RBMS3: variants seen among roughly 807,000 people sequenced by gnomAD.
The protein encoded by RBMS3 is RNA binding motif single stranded interacting protein 3.
A neutral mutation model predicts 66.8 loss-of-function variants in RBMS3; 27 were observed. That is an observed-to-expected ratio of 0.40 (90% CI 0.30 to 0.56). RBMS3 has a LOEUF of 0.56. Ranked by LOEUF, RBMS3 falls within the 20% of genes least tolerant of loss-of-function variation. The pLI is 0.40. For synonymous variants in RBMS3, 188 were observed against 183.0 expected (o/e 1.03, Z -0.22); for missense variants, 513 against 549.5 (o/e 0.93, Z 0.66).
intron 4 of RBMS3, among the ~76,000 whole-genome samples, chr3:29,654,544 G>A (rs552749431): frequency 6.0e-5 from 9 of 149,334 alleles, no homozygotes; most frequent in African/African-American, 2.2e-4. Context: ...GTGTGTGTGT[G>A]TGTGTGTGTG....
chr3:29,732,627 T>C (rs1380106449), intron 4 of RBMS3, among the ~76,000 whole-genome samples: 3 of 152,202 alleles, frequency 2.0e-5, no homozygotes, highest in East Asian at 1.9e-4. Flanking sequence ...ACATCTTTGT[T>C]CGAATTAGTG....
At chr3:29,831,725 T>G (rs2058373886) in intron 6 of RBMS3, among the ~76,000 whole-genome samples, 1 of 152,110 alleles carries the variant, frequency 6.6e-6, no homozygotes, top group Non-Finnish European at 1.5e-5. Flanking sequence ...TCTTCATAAT[T>G]TTATGTAAGG....
chr3:29,910,296 C>T (rs1034614878), intron 10 of RBMS3, among the ~76,000 whole-genome samples: 4 of 151,962 alleles, frequency 2.6e-5, no homozygotes, highest in South Asian at 4.1e-4. Flanking sequence ...AGAAACTACT[C>T]GTGGAAATCA....
intron 4 of RBMS3, among the ~76,000 whole-genome samples, chr3:29,695,394 T>C (rs909607151): frequency 6.6e-5 from 10 of 152,188 alleles, no homozygotes; most frequent in African/African-American, 1.4e-4. Context: ...ATTCCACAAA[T>C]GTAAGCTCAC....
intron 12 of RBMS3, among the ~76,000 whole-genome samples, chr3:29,968,524 G>A (rs1697006292): frequency 6.7e-6 from 1 of 148,700 alleles, no homozygotes; most frequent in African/African-American, 2.5e-5. Flanking sequence ...CCTTTCTGCT[G>A]CTTCCTCTAT....
intron 4 of RBMS3, among the ~76,000 whole-genome samples, chr3:29,676,178 G>C (rs949490799): frequency 5.3e-5 from 8 of 152,104 alleles, no homozygotes; most frequent in Non-Finnish European, 7.4e-5. Context: ...TGCAAGGACA[G>C]AAAACCAAAC....
In RBMS3 at chr3:29,816,274, C is replaced by T. The variant is rs548955864; in HGVS notation, c.638-52584C>T. ...AAGCCAAAAAGTCATGTGCATCCCC[C>T]TGTGCGCGCACACACAGACACACAC... On this transcript the variant is annotated intron_variant, in intron 6 of 14. Coordinates refer to ENST00000383767, the MANE Select transcript of RBMS3 (RefSeq NM_001003793.3). 6.6e-5 allele frequency among the ~76,000 whole-genome samples: 10 copies of T among 150,920 alleles called. No individual in the cohort carries two copies. In the South Asian group the frequency reaches 1.9e-3, roughly 29 times the overall value.
At chr3:29,528,791 T>G (rs1443257347) in intron 3 of RBMS3, among the ~76,000 whole-genome samples, 1 of 152,226 alleles carries the variant, frequency 6.6e-6, no homozygotes, top group Non-Finnish European at 1.5e-5. Context: ...TGGAGTGCAA[T>G]GGCGTGATCT....
At chr3:29,337,471 T>C (rs1241254085) in intron 1 of RBMS3, among the ~76,000 whole-genome samples, 1 of 151,834 alleles carries the variant, frequency 6.6e-6, no homozygotes, top group Non-Finnish European at 1.5e-5. Context: ...AGACCCCATC[T>C]CTACAAAAAA....
At chr3:29,944,633 A>G (rs972069130) in intron 12 of RBMS3, among the ~76,000 whole-genome samples, 5 of 151,832 alleles carry the variant, frequency 3.3e-5, no homozygotes, top group African/African-American at 9.6e-5. Flanking sequence ...TTAATAAAAA[A>G]TAGTTTGAGA....
chr3:29,994,400 C>T (rs11129375), intron 14 of RBMS3, among the ~76,000 whole-genome samples: 5 of 151,910 alleles, frequency 3.3e-5, no homozygotes, highest in Non-Finnish European at 5.9e-5. Flanking sequence ...CAAAGCATCC[C>T]GGAAGCTCCA....
intron 1 of RBMS3, among the ~76,000 whole-genome samples, chr3:29,304,652 A>ACC (rs2033895467): frequency 6.6e-6 from 1 of 151,852 alleles, no homozygotes; most frequent in South Asian, 2.1e-4. Flanking sequence ...CCACAAGAAC[A>ACC]CCCCTAGGAA....
At chr3:29,831,808 G>A (rs2058375942) in intron 6 of RBMS3, among the ~76,000 whole-genome samples, 1 of 151,958 alleles carries the variant, frequency 6.6e-6, no homozygotes, top group Non-Finnish European at 1.5e-5. Context: ...TATAGGATTT[G>A]TTAATAGTGT....
At chr3:29,800,797 C>T (rs2149442594) in intron 6 of RBMS3, among the ~76,000 whole-genome samples, 1 of 147,876 alleles carries the variant, frequency 6.8e-6, no homozygotes, top group African/African-American at 2.5e-5. Context: ...TTTATAGAAA[C>T]TAGTCTCTGA....
intron 1 of RBMS3, among the ~76,000 whole-genome samples, chr3:29,312,372 G>A (rs2034430899): frequency 6.6e-6 from 1 of 151,672 alleles, no homozygotes; most frequent in Non-Finnish European, 1.5e-5. Flanking sequence ...AACTTGAACT[G>A]CTCTCAACCT....
chr3:29,828,532 T>C (rs930050125), intron 6 of RBMS3, among the ~76,000 whole-genome samples: 3 of 152,206 alleles, frequency 2.0e-5, no homozygotes, highest in Non-Finnish European at 4.4e-5. Flanking sequence ...AGAACACATA[T>C]ATACATATCT....
rs1194862761 is a variant in RBMS3 at position 29,559,070 on chromosome 3, T to A, written c.308-28044T>A. On this transcript the variant is annotated intron_variant, in intron 3 of 14. Coordinates refer to ENST00000383767, the MANE Select transcript of RBMS3 (RefSeq NM_001003793.3). ...ATATTAAGCTCTTTACAGAAAGTGGTTAAAAAAGGAAGAGATAGCTATCCA... is the reference window on the plus strand; with the variant it reads ...ATATTAAGCTCTTTACAGAAAGTGGATAAAAAAGGAAGAGATAGCTATCCA... Among the ~76,000 whole-genome samples the A allele has an allele frequency of 2.0e-5, 3 of 152,086 alleles. No individual in the cohort carries two copies. The East Asian group carries it at 5.8e-4, about 29-fold the overall frequency.
At chr3:29,645,395 G>A (rs531432139) in intron 4 of RBMS3, among the ~76,000 whole-genome samples, 13 of 152,314 alleles carry the variant, frequency 8.5e-5, no homozygotes, top group African/African-American at 2.9e-4. Context: ...AGGGTGTCTG[G>A]TGCTGTCCAA....
At chr3:29,894,202 C>A (rs1379173116) in intron 8 of RBMS3, among the ~76,000 whole-genome samples, 1 of 151,374 alleles carries the variant, frequency 6.6e-6, no homozygotes, top group African/African-American at 2.4e-5. Flanking sequence ...AGATGGCTGC[C>A]ATCTTTTTCA....
Sources: gnomAD v4.1 joint callset for allele counts (sites outside exome capture counted in the v4.1 genomes callset) on GRCh38, gnomAD v4.1.1 for gene constraint, MANE v1.5 for transcripts, NCBI Gene and HGNC (gene_info 2026-07-23, HGNC 2026-07-21) for gene names.